The following MECOM variants were observed in gnomAD, a reference collection of about 807,000 sequenced individuals.
MECOM encodes the protein MDS1 and EVI1 complex locus, also known as histone-lysine N-methyltransferase MECOM.
In MECOM, 13 loss-of-function variants were observed where a neutral mutation model predicts 116.3. The observed-to-expected ratio is 0.11, with a 90% CI of 0.07 to 0.18. The LOEUF (loss-of-function observed/expected upper bound fraction) is 0.18. Among genes scored for constraint, MECOM ranks in the 10% least tolerant of loss-of-function variants. The pLI, the probability that MECOM is intolerant of heterozygous loss-of-function variation, is 1.00. For missense variants in MECOM, 1,299 were observed against 1,509.0 expected (o/e 0.86, Z 2.31); for synonymous variants, 528 against 535.2 (o/e 0.99, Z 0.19).
At chr3:169,471,083 C>A (rs1435995563) in intron 1 of MECOM, among the ~76,000 whole-genome samples, 7 of 152,058 alleles carry the variant, frequency 4.6e-5, no homozygotes, top group Non-Finnish European at 2.9e-5. Flanking sequence ...CATCCCCACC[C>A]CAGGCTCAAA....
chr3:169,584,302 A>C (rs1462643289), intron 1 of MECOM, among the ~76,000 whole-genome samples: 2 of 152,092 alleles, frequency 1.3e-5, no homozygotes, highest in African/African-American at 2.4e-5. Flanking sequence ...GCGGGGGCTC[A>C]CTCCTGTAAT....
chr3:169,334,196 C>T (rs948049156), intron 2 of MECOM, among the ~76,000 whole-genome samples: 3 of 152,068 alleles, frequency 2.0e-5, no homozygotes, highest in South Asian at 2.1e-4. Context: ...TTTTTAGCTA[C>T]TCATTTGTAT....
intron 2 of MECOM, chr3:169,147,715 G>GGT (rs10659980): frequency 0.23 from 222,717 of 950,400 alleles, 15,700 homozygotes; most frequent in African/African-American, 0.4. Context: ...GCACAAGTGT[G>GGT]GTGTGTGTGT....
intron 2 of MECOM, among the ~76,000 whole-genome samples, chr3:169,205,961 C>CACTTA (rs1457599158): frequency 1.3e-5 from 2 of 152,160 alleles, no homozygotes; most frequent in African/African-American, 4.8e-5. Context: ...GACTTGGTAA[C>CACTTA]ACTTAACTTG....
intron 1 of MECOM, among the ~76,000 whole-genome samples, chr3:169,391,912 C>G (rs1167154124): frequency 6.6e-6 from 1 of 152,042 alleles, no homozygotes; most frequent in African/African-American, 2.4e-5. Flanking sequence ...GCACTGCCTT[C>G]TAATGGGAAC....
At chr3:169,572,446 A>G (rs1380354413) in intron 1 of MECOM, among the ~76,000 whole-genome samples, 3 of 152,224 alleles carry the variant, frequency 2.0e-5, no homozygotes, top group South Asian at 2.1e-4. Flanking sequence ...TTCCTCAAGG[A>G]TCTAGAACCA....
chr3:169,205,212 C>A (rs1339470504), intron 2 of MECOM, among the ~76,000 whole-genome samples: 1 of 152,140 alleles, frequency 6.6e-6, no homozygotes, highest in East Asian at 1.9e-4. Flanking sequence ...AGTTATAAAC[C>A]CCTCAAAAAC....
chr3:169,206,582 T>C (rs974290132), intron 2 of MECOM, among the ~76,000 whole-genome samples: 4 of 151,776 alleles, frequency 2.6e-5, no homozygotes, highest in African/African-American at 9.7e-5. Context: ...TGAAACTCCG[T>C]CTCTACTAAA....
intron 2 of MECOM, among the ~76,000 whole-genome samples, chr3:169,331,022 C>T (rs917660624): frequency 1.3e-5 from 2 of 151,946 alleles, no homozygotes; most frequent in African/African-American, 4.8e-5. Flanking sequence ...TATGCCACCA[C>T]AAATGTGACT....
intron 2 of MECOM, among the ~76,000 whole-genome samples, chr3:169,345,327 A>G (rs1483851776): frequency 3.3e-5 from 5 of 152,076 alleles, no homozygotes; most frequent in African/African-American, 1.2e-4. Flanking sequence ...GGCTAACCTA[A>G]GACTTCCAGG....
At chr3:169,331,548 G>T (rs905613672) in intron 2 of MECOM, among the ~76,000 whole-genome samples, 2 of 152,092 alleles carry the variant, frequency 1.3e-5, no homozygotes, top group African/African-American at 4.8e-5. Context: ...ATAGAAGGCA[G>T]GAATAGCTTA....
At chr3:169,088,346 A>T (rs1038713749) in intron 16 of MECOM, among the ~76,000 whole-genome samples, 2 of 152,208 alleles carry the variant, frequency 1.3e-5, no homozygotes, top group South Asian at 4.1e-4. Context: ...TGGACCCTTA[A>T]ATAGATTTAT....
At chr3:169,373,041 T>C (rs893325102) in intron 2 of MECOM, among the ~76,000 whole-genome samples, 3 of 151,960 alleles carry the variant, frequency 2.0e-5, no homozygotes, top group Non-Finnish European at 4.4e-5. Flanking sequence ...TTATTTCTAC[T>C]CAGTAATTTT....
At chr3:169,623,821 A>C (rs1055003386) in intron 1 of MECOM, 2 of 152,078 alleles carry the variant, frequency 1.3e-5, no homozygotes, top group African/African-American at 4.8e-5. Flanking sequence ...ACACACACAC[A>C]CACACACACA....
chr3:169,625,745 G>A (rs1039067838), intron 1 of MECOM, among the ~76,000 whole-genome samples: 6 of 152,186 alleles, frequency 3.9e-5, no homozygotes, highest in African/African-American at 1.2e-4. Flanking sequence ...GATACACTCA[G>A]GTGATCTATC....
intron 1 of MECOM, chr3:169,613,675 G>A (rs974455283): frequency 6.6e-6 from 1 of 152,242 alleles, no homozygotes; most frequent in Non-Finnish European, 1.5e-5. Flanking sequence ...CTGACTTCAA[G>A]GAGAATGTGG....
At chr3:169,291,337 T>C (rs1714513834) in intron 2 of MECOM, among the ~76,000 whole-genome samples, 2 of 152,196 alleles carry the variant, frequency 1.3e-5, no homozygotes, top group African/African-American at 4.8e-5. Flanking sequence ...TAGTCATATA[T>C]TATAACTAAT....
intron 2 of MECOM, among the ~76,000 whole-genome samples, chr3:169,193,831 T>C (rs1559976711): frequency 6.6e-6 from 1 of 151,974 alleles, no homozygotes; most frequent in African/African-American, 2.4e-5. Flanking sequence ...AGTTTAAGGG[T>C]TATAGTTAAG....
At chr3:169,250,242 A>T (rs1189004446) in intron 2 of MECOM, among the ~76,000 whole-genome samples, 3 of 152,208 alleles carry the variant, frequency 2.0e-5, no homozygotes, top group African/African-American at 7.2e-5. Context: ...TTAATGACCC[A>T]TGCATTCTGT....
Sources: gnomAD v4.1 joint callset for allele counts (sites outside exome capture counted in the v4.1 genomes callset) on GRCh38, gnomAD v4.1.1 for gene constraint, MANE v1.5 for transcripts, NCBI Gene and HGNC (gene_info 2026-07-23, HGNC 2026-07-21) for gene names.